Variants in BNC2 observed in about 807,000 individuals in gnomAD.
The protein encoded by BNC2 is zinc finger protein basonuclin-2.
Under a neutral mutation model 76.3 loss-of-function variants are expected in BNC2, and 20 were observed. That is an observed-to-expected ratio of 0.26 (90% confidence interval 0.18 to 0.38). BNC2 has a LOEUF of 0.38. Among genes scored for constraint, BNC2 ranks in the 10% least tolerant of loss-of-function variants. BNC2 has a pLI of 1.00. For missense variants in BNC2, 1,382 were observed against 1,399.8 expected (o/e 0.99, Z 0.20); for synonymous variants, 582 against 514.8 (o/e 1.13, Z -1.77).
chr9:16,849,701 T>C (rs1346619335), intron 1 of BNC2, among the ~76,000 whole-genome samples: 2 of 152,160 alleles, frequency 1.3e-5, no homozygotes, highest in Non-Finnish European at 2.9e-5. Flanking sequence ...AGAGGTTGTA[T>C]ACAAATTGGA....
At chr9:16,634,447 A>G (rs773175078) in intron 3 of BNC2, among the ~76,000 whole-genome samples, 1 of 151,970 alleles carries the variant, frequency 6.6e-6, no homozygotes, top group Non-Finnish European at 1.5e-5. Context: ...GATTATTGTT[A>G]TTAAGAGTAA....
At chr9:16,808,043 A>T (rs1817954708) in intron 1 of BNC2, among the ~76,000 whole-genome samples, 1 of 152,230 alleles carries the variant, frequency 6.6e-6, no homozygotes, top group Non-Finnish European at 1.5e-5. Context: ...AGAACCTGGC[A>T]AAAAGGAGGT....
intron 3 of BNC2, among the ~76,000 whole-genome samples, chr9:16,717,507 A>T (rs1824026411): frequency 6.6e-6 from 1 of 152,202 alleles, no homozygotes; most frequent in African/African-American, 2.4e-5. Flanking sequence ...ACAATTCCCT[A>T]CCATGATGTG....
At chr9:16,748,605 G>A (rs1255580444) in intron 1 of BNC2, among the ~76,000 whole-genome samples, 2 of 152,018 alleles carry the variant, frequency 1.3e-5, no homozygotes, top group African/African-American at 4.8e-5. Context: ...CACTGTGGGA[G>A]GCCAAGGTGG....
intron 3 of BNC2, among the ~76,000 whole-genome samples, chr9:16,636,272 T>C (rs994357795): frequency 2.0e-5 from 3 of 152,210 alleles, no homozygotes; most frequent in Admixed American, 1.3e-4. Flanking sequence ...CCATAGTTCA[T>C]GGTTCTAGAA....
At chr9:16,725,953 C>T (rs1340833320) in intron 3 of BNC2, among the ~76,000 whole-genome samples, 1 of 149,624 alleles carries the variant, frequency 6.7e-6, no homozygotes, top group Admixed American at 6.7e-5. Flanking sequence ...TCTTTTCTAG[C>T]TAGAGGGAGA....
At chr9:16,649,589 A>T (rs1821735474) in intron 3 of BNC2, among the ~76,000 whole-genome samples, 1 of 152,136 alleles carries the variant, frequency 6.6e-6, no homozygotes, top group South Asian at 2.1e-4. Context: ...AGGGATTAAA[A>T]AACCATCAGT....
intron 3 of BNC2, among the ~76,000 whole-genome samples, chr9:16,612,777 G>A (rs1222856578): frequency 6.6e-6 from 1 of 152,120 alleles, no homozygotes; most frequent in Non-Finnish European, 1.5e-5. Flanking sequence ...CTTCTATTGA[G>A]GTAATGAGAA....
intron 5 of BNC2, among the ~76,000 whole-genome samples, chr9:16,482,026 T>C (rs1290988189): frequency 1.3e-5 from 2 of 152,176 alleles, no homozygotes; most frequent in Non-Finnish European, 2.9e-5. Flanking sequence ...AAATGTTAGC[T>C]ACAAACACAT....
At chr9:16,819,947 A>G (rs1818278327) in intron 1 of BNC2, among the ~76,000 whole-genome samples, 1 of 151,988 alleles carries the variant, frequency 6.6e-6, no homozygotes, top group Admixed American at 6.6e-5. Flanking sequence ...CAACATGGTG[A>G]AACCCCAGCT....
chr9:16,541,379 AG>A (rs1818316362), intron 5 of BNC2, among the ~76,000 whole-genome samples: 1 of 152,248 alleles, frequency 6.6e-6, no homozygotes, highest in Admixed American at 6.5e-5. Context: ...AAAAGCTCCC[AG>A]AACTGCCTCT....
chr9:16,858,778 G>A lies in BNC2; in HGVS notation c.3+11868C>T, dbSNP rs1016674477. ...GGAGAATGGCGTGAACCCGGGAGGC[G>A]GAGTTTGCAGTGAGCCAAGATTGCA... On this transcript the variant is annotated intron_variant, in intron 1 of 6. Transcript: ENST00000380672. 5.9e-5 allele frequency among the ~76,000 whole-genome samples: 9 copies of A among 151,796 alleles called. 1 individual carries two copies. The highest frequency in any genetic ancestry group is 2.0e-4 in the Admixed American group (3 of 15,242).
intron 3 of BNC2, among the ~76,000 whole-genome samples, chr9:16,665,386 A>AAAAG (rs1554702315): frequency 3.6e-5 from 3 of 84,286 alleles, no homozygotes; most frequent in South Asian, 5.5e-4. Flanking sequence ...AAAAAAAAAA[A>AAAAG]AGAGAGAGAG....
At chr9:16,799,900 G>C (rs187423405) in intron 1 of BNC2, among the ~76,000 whole-genome samples, 1 of 152,182 alleles carries the variant, frequency 6.6e-6, no homozygotes, top group African/African-American at 2.4e-5. Context: ...TCTTATCAGT[G>C]ACAAAAGGAA....
chr9:16,763,115 C>G (rs551934817), intron 1 of BNC2, among the ~76,000 whole-genome samples: 2 of 152,260 alleles, frequency 1.3e-5, no homozygotes, highest in Admixed American at 1.3e-4. Context: ...GGCTCTCTAG[C>G]TGAGAGGTTA....
rs576492459 is a variant in BNC2 at position 16,481,236 on chromosome 9, C to T, written c.670-43712G>A. Reference sequence around the variant, plus strand: ...CAGCGCCCTGTCAAAACAGACTACTCGGCTCTACCAATCAGCAGGATGTGG... The same window carrying T: ...CAGCGCCCTGTCAAAACAGACTACTTGGCTCTACCAATCAGCAGGATGTGG... On this transcript the variant is annotated intron_variant, in intron 5 of 6. Transcript: ENST00000380672. 2.1e-3 allele frequency among the ~76,000 whole-genome samples: 312 copies of T among 152,158 alleles called. 1 individual carries two copies. The highest frequency in any genetic ancestry group is 3.6e-3 in the Non-Finnish European group (244 of 68,004).
chr9:16,678,035 T>C (rs1348001083), intron 3 of BNC2, among the ~76,000 whole-genome samples: 1 of 151,360 alleles, frequency 6.6e-6, no homozygotes, highest in Non-Finnish European at 1.5e-5. Flanking sequence ...TGAGAATCAA[T>C]TGTAACAAAA....
intron 5 of BNC2, among the ~76,000 whole-genome samples, chr9:16,530,386 T>C (rs1817940889): frequency 6.6e-6 from 1 of 152,156 alleles, no homozygotes; most frequent in South Asian, 2.1e-4. Flanking sequence ...CAGAAATCAC[T>C]GTACATTTCT....
In BNC2 at chr9:16,571,149, T is replaced by G. The variant is rs1035048232; in HGVS notation, c.433+11834A>C. ...ATTTAGTCTCTGACTGAGGCACACATATGTGATCTCCTAATTTACAGCTTG... is the reference window on the plus strand; with the variant it reads ...ATTTAGTCTCTGACTGAGGCACACAGATGTGATCTCCTAATTTACAGCTTG... On this transcript the variant is annotated intron_variant, in intron 4 of 6. Coordinates refer to ENST00000380672, the MANE Select transcript of BNC2 (RefSeq NM_017637.6). Among the ~76,000 whole-genome samples, 108 of 152,184 alleles carry G rather than the reference T, an allele frequency of 7.1e-4. 1 individual carries two copies. Among genetic ancestry groups the G allele is most frequent in the African/African-American group, 2.5e-3 (105 of 41,452 alleles).
Sources: allele counts gnomAD v4.1 joint callset (sites outside exome capture counted in the v4.1 genomes callset), GRCh38; gene constraint gnomAD v4.1.1; transcripts MANE v1.5; gene names NCBI Gene and HGNC (gene_info 2026-07-23, HGNC 2026-07-21).